The following DHRS9 variants were observed in gnomAD, a reference collection of about 807,000 sequenced individuals.
The protein encoded by DHRS9 is dehydrogenase/reductase SDR family member 9.
DHRS9 carries 18 observed loss-of-function variants against 26.6 expected under a neutral mutation model. The observed-to-expected ratio is 0.68, with a 90% CI of 0.47 to 1.00. The LOEUF is 1.00. Ranked by LOEUF, DHRS9 falls within the 50% of genes least tolerant of loss-of-function variation. The probability of loss-of-function intolerance (pLI) is 0.00; values close to 1 mark genes in which losing one functional copy is unlikely to be tolerated. For synonymous variants in DHRS9, 134 were observed against 141.1 expected (o/e 0.95, Z 0.36); for missense variants, 425 against 378.7 (o/e 1.12, Z -1.01).
upstream of DHRS9, among the ~76,000 whole-genome samples, chr2:169,067,999 G>C (rs1683693981): frequency 6.6e-6 from 1 of 152,162 alleles, no homozygotes; most frequent in Non-Finnish European, 1.5e-5. Flanking sequence ...TATTTGGAAA[G>C]TTTTTGAAAC....
intron 1 of DHRS9, among the ~76,000 whole-genome samples, chr2:169,075,778 T>G (rs1683945296): frequency 6.6e-6 from 1 of 152,174 alleles, no homozygotes. Flanking sequence ...ATAATTAGCT[T>G]TGGATGCTCC....
chr2:169,074,946 C>T (rs1683920118), intron 1 of DHRS9, among the ~76,000 whole-genome samples: 1 of 152,024 alleles, frequency 6.6e-6, no homozygotes, highest in Admixed American at 6.6e-5. Flanking sequence ...TGCTTGTCAC[C>T]AGGGAAAAAT....
At chr2:169,067,250 C>A, upstream of DHRS9, 1 of 1,535,470 alleles carries the variant, frequency 6.5e-7, no homozygotes, top group Non-Finnish European at 8.7e-7. Flanking sequence ...TTGGACCCAC[C>A]ACAGCCTGCA....
intron 2 of DHRS9, 142 bp downstream of exon 2, chr2:169,082,036 G>C: frequency 1.1e-6 from 1 of 893,728 alleles, no homozygotes. Context: ...TCTAATCTTA[G>C]GATAGCTTCT....
rs1684681592 is a variant in DHRS9 at position 169,095,797 on chromosome 2, C to T, written c.*30C>T. ...GCTAACCACAAATGTCTCCTCCAGG[C>T]TATGAAATTGGCCGATTTCAAGAAC... On this transcript the variant is annotated 3_prime_UTR_variant, in exon 5 of 5. Coordinates refer to ENST00000674881, the MANE Select transcript of DHRS9 (RefSeq NM_001376924.1). 1 of 1,598,152 alleles carries T rather than the reference C, an allele frequency of 6.3e-7. No individual in the cohort carries two copies. The highest frequency in any genetic ancestry group is 8.6e-7 in the Non-Finnish European group (1 of 1,167,240).
chr2:169,079,985 GAA>G (rs1558951570), intron 1 of DHRS9, among the ~76,000 whole-genome samples: 58 of 50,984 alleles, frequency 1.1e-3, no homozygotes, highest in East Asian at 2.5e-3. Flanking sequence ...GAGAGAGAGA[GAA>G]AGAAAGAAAG....
intron 3 of DHRS9, among the ~76,000 whole-genome samples, chr2:169,091,064 T>G (rs373595507): frequency 1.3e-5 from 2 of 152,058 alleles, no homozygotes; most frequent in African/African-American, 4.8e-5. Context: ...AGATGCATTT[T>G]TTGACATAGG....
upstream of DHRS9, among the ~76,000 whole-genome samples, chr2:169,067,623 G>C (rs1237774276): frequency 6.6e-6 from 1 of 152,044 alleles, no homozygotes; most frequent in Non-Finnish European, 1.5e-5. Flanking sequence ...TGGCAATTTG[G>C]TTCCAGATTT....
Position 169,069,609 on chromosome 2 carries a change from A to T in DHRS9, c.-168A>T. On this transcript the variant is annotated 5_prime_UTR_variant, in exon 1 of 5. Transcript: ENST00000674881. Reference sequence around the variant, plus strand: ...CAGGCACCTCGACCTCAAGAGGATCAGCCTGGCCAGGGTGGCACAACTCTT... The same window carrying T: ...CAGGCACCTCGACCTCAAGAGGATCTGCCTGGCCAGGGTGGCACAACTCTT... The T allele has an allele frequency of 1.0e-6, 1 of 985,476 alleles. No individual in the cohort carries two copies. The highest frequency in any genetic ancestry group is 1.2e-6 in the Non-Finnish European group (1 of 829,958). 61.0% of individuals were successfully genotyped at this position (985,476 alleles called of 1,614,324 possible).
chr2:169,079,530 C>T (rs1443575991), intron 1 of DHRS9, among the ~76,000 whole-genome samples: 8 of 151,666 alleles, frequency 5.3e-5, no homozygotes, highest in East Asian at 1.9e-4. Context: ...GAAAAGGATT[C>T]GAAGGAAAAA....
intron 2 of DHRS9, 46 bp downstream of exon 2, chr2:169,081,940 G>A (rs944614366): frequency 6.6e-7 from 1 of 1,524,274 alleles, no homozygotes. Context: ...ATAGGGGATA[G>A]GGAGGTAACC....
intron 4 of DHRS9, among the ~76,000 whole-genome samples, chr2:169,092,452 A>G (rs777031797): frequency 1.3e-5 from 2 of 152,250 alleles, no homozygotes; most frequent in African/African-American, 2.4e-5. Context: ...ACAAGAAGTA[A>G]CCAAGCGAGA....
intron 4 of DHRS9, among the ~76,000 whole-genome samples, chr2:169,093,634 C>T (rs1684604238): frequency 6.6e-6 from 1 of 152,142 alleles, no homozygotes; most frequent in African/African-American, 2.4e-5. Flanking sequence ...CTTCCATCTC[C>T]AATTATTTTT....
intron 4 of DHRS9, among the ~76,000 whole-genome samples, chr2:169,093,434 C>T (rs1272794658): frequency 6.6e-6 from 1 of 152,080 alleles, no homozygotes; most frequent in Non-Finnish European, 1.5e-5. Context: ...TTAGTGCTGA[C>T]ATGCCACTAT....
chr2:169,075,034 T>C (rs1683923377), intron 1 of DHRS9, among the ~76,000 whole-genome samples: 1 of 152,158 alleles, frequency 6.6e-6, no homozygotes, highest in Non-Finnish European at 1.5e-5. Flanking sequence ...ACTACTTAGA[T>C]TTGAGCTTTC....
chr2:169,089,610 C>G (rs920448716), intron 3 of DHRS9, among the ~76,000 whole-genome samples: 1 of 152,082 alleles, frequency 6.6e-6, no homozygotes, highest in Non-Finnish European at 1.5e-5. Context: ...ATACCATGGA[C>G]CTAGGTTTAG....
intron 3 of DHRS9, among the ~76,000 whole-genome samples, chr2:169,084,546 G>A (rs1026463169): frequency 3.9e-5 from 6 of 152,024 alleles, no homozygotes; most frequent in African/African-American, 1.2e-4. Context: ...CTGGGGTAAG[G>A]TAATATTTCA....
chr2:169,077,642 A>AT (rs1684002329), intron 1 of DHRS9, among the ~76,000 whole-genome samples: 1 of 152,082 alleles, frequency 6.6e-6, no homozygotes, highest in East Asian at 1.9e-4. Flanking sequence ...TCCCATCCAA[A>AT]TGTAGAAACC....
intron 1 of DHRS9, among the ~76,000 whole-genome samples, chr2:169,073,096 T>A (rs543667986): frequency 1.3e-5 from 2 of 152,350 alleles, no homozygotes; most frequent in Admixed American, 1.3e-4. Context: ...AGTGGAGACT[T>A]CCTTCTTTCC....
Sources: allele counts gnomAD v4.1 joint callset (sites outside exome capture counted in the v4.1 genomes callset), GRCh38; gene constraint gnomAD v4.1.1; transcripts MANE v1.5; gene names NCBI Gene and HGNC (gene_info 2026-07-23, HGNC 2026-07-21).